The following HDAC9 variants were observed in gnomAD, a reference collection of about 807,000 sequenced individuals.
The protein encoded by HDAC9 is MEF-2 interacting transcription repressor (MITR) protein.
HDAC9 carries 41 observed loss-of-function variants against 139.4 expected under a neutral mutation model. The ratio of observed to expected loss-of-function variants is 0.29; its 90% CI spans 0.23 to 0.38. The LOEUF (loss-of-function observed/expected upper bound fraction) is 0.38, where lower values mean the gene tolerates loss of function less well. Ranked by LOEUF, HDAC9 falls within the 10% of genes least tolerant of loss-of-function variation. HDAC9 has a pLI of 1.00. For missense variants in HDAC9, 1,147 were observed against 1,297.0 expected (o/e 0.88, Z 1.78); for synonymous variants, 517 against 476.2 (o/e 1.09, Z -1.12).
chr7:18,861,755 T>G (rs1447128559), intron 21 of HDAC9, among the ~76,000 whole-genome samples: 1 of 152,178 alleles, frequency 6.6e-6, no homozygotes, highest in East Asian at 1.9e-4. Flanking sequence ...AAAATTAGCA[T>G]TGGCTTCTTA....
At chr7:18,960,596 A>T (rs1216062635) in intron 24 of HDAC9, among the ~76,000 whole-genome samples, 4 of 152,166 alleles carry the variant, frequency 2.6e-5, no homozygotes, top group Non-Finnish European at 4.4e-5. Flanking sequence ...AAACACTGTC[A>T]ATGTATTAGA....
chr7:18,588,673 C>A (rs997876757), intron 3 of HDAC9, among the ~76,000 whole-genome samples: 2 of 152,014 alleles, frequency 1.3e-5, no homozygotes, highest in African/African-American at 4.8e-5. Context: ...ATGTCTTGCC[C>A]ACACACACAC....
At chr7:18,531,760 C>T (rs912240100) in intron 2 of HDAC9, among the ~76,000 whole-genome samples, 11 of 148,846 alleles carry the variant, frequency 7.4e-5, no homozygotes, top group Admixed American at 4.0e-4. Flanking sequence ...AAACTCAATA[C>T]CCTTAACCTC....
intron 23 of HDAC9, among the ~76,000 whole-genome samples, chr7:18,950,531 G>C (rs1397225174): frequency 6.6e-6 from 1 of 152,018 alleles, no homozygotes; most frequent in Non-Finnish European, 1.5e-5. Flanking sequence ...TTTCGATTAA[G>C]TATTTCTCCA....
chr7:18,466,964 C>A (rs213274), intron 1 of HDAC9, among the ~76,000 whole-genome samples: 146,652 of 152,230 alleles, frequency 0.96, 70,666 homozygotes, highest in East Asian at 1. Context: ...CATTCTTATG[C>A]TTGACTATTT....
At chr7:18,446,026 A>T (rs377150609) in intron 1 of HDAC9, among the ~76,000 whole-genome samples, 1 of 152,244 alleles carries the variant, frequency 6.6e-6, no homozygotes, top group Non-Finnish European at 1.5e-5. Context: ...TCTCTGGAAC[A>T]AGTAAGCTCT....
At chr7:18,161,440 T>C (rs539397820) in intron 1 of HDAC9, among the ~76,000 whole-genome samples, 1 of 152,312 alleles carries the variant, frequency 6.6e-6, no homozygotes, top group South Asian at 2.1e-4. Context: ...AATAGTGCAA[T>C]TGGGATATAC....
chr7:18,460,527 G>C (rs1233754617), intron 1 of HDAC9, among the ~76,000 whole-genome samples: 2 of 152,060 alleles, frequency 1.3e-5, no homozygotes, highest in African/African-American at 4.8e-5. Flanking sequence ...GTTCACGCCT[G>C]TAATCCCAGC....
chr7:18,567,388 G>A (rs1448880682), intron 2 of HDAC9, among the ~76,000 whole-genome samples: 1 of 152,090 alleles, frequency 6.6e-6, no homozygotes, highest in Non-Finnish European at 1.5e-5. Context: ...CATTTCTTTT[G>A]TTTAACCATG....
chr7:18,287,973 A>T (rs1434156971), upstream of HDAC9, among the ~76,000 whole-genome samples: 1 of 152,202 alleles, frequency 6.6e-6, no homozygotes, highest in Non-Finnish European at 1.5e-5. Flanking sequence ...CCTGGAAACA[A>T]AACTGGTTGC....
intron 2 of HDAC9, among the ~76,000 whole-genome samples, chr7:18,192,656 G>A (rs559201659): frequency 3.3e-5 from 5 of 152,252 alleles, no homozygotes; most frequent in East Asian, 1.9e-4. Flanking sequence ...GTAAAATCAC[G>A]ATTTTTCTTT....
At chr7:18,941,197 C>G (rs1030901007) in intron 23 of HDAC9, among the ~76,000 whole-genome samples, 1 of 151,368 alleles carries the variant, frequency 6.6e-6, no homozygotes, top group Non-Finnish European at 1.5e-5. Flanking sequence ...GCCTCCCTCC[C>G]GTTATTCTTC....
At chr7:18,443,491 T>C (rs552789240) in intron 1 of HDAC9, among the ~76,000 whole-genome samples, 7 of 152,298 alleles carry the variant, frequency 4.6e-5, no homozygotes, top group South Asian at 2.1e-4. Context: ...AATTATACCA[T>C]AGGGTGAATA....
At chr7:18,959,140 A>G (rs1300859232) in intron 24 of HDAC9, among the ~76,000 whole-genome samples, 4 of 152,154 alleles carry the variant, frequency 2.6e-5, no homozygotes, top group African/African-American at 9.7e-5. Flanking sequence ...CAGAGTTCTA[A>G]AACACCACTC....
intron 2 of HDAC9, among the ~76,000 whole-genome samples, chr7:18,279,810 T>C (rs1162442495): frequency 6.6e-6 from 1 of 152,116 alleles, no homozygotes. Context: ...GAAACTAGTT[T>C]CAAAGAGGCC....
chr7:18,307,097 T>G (rs1407116867), intron 1 of HDAC9, among the ~76,000 whole-genome samples: 4 of 134,808 alleles, frequency 3.0e-5, no homozygotes, highest in African/African-American at 6.0e-5. Flanking sequence ...AGGGCAGTTC[T>G]TGTGTGTGTG....
intron 21 of HDAC9, among the ~76,000 whole-genome samples, chr7:18,839,179 A>G (rs1239673427): frequency 6.6e-6 from 1 of 152,034 alleles, no homozygotes; most frequent in African/African-American, 2.4e-5. Context: ...ACCATTGTAT[A>G]AAATAATTAT....
intron 2 of HDAC9, among the ~76,000 whole-genome samples, chr7:18,238,330 T>C (rs1793960501): frequency 1.3e-5 from 2 of 152,146 alleles, no homozygotes; most frequent in African/African-American, 4.8e-5. Flanking sequence ...TCAGAGTGAG[T>C]GCGTTGCTTG....
intron 1 of HDAC9, among the ~76,000 whole-genome samples, chr7:18,389,486 G>C (rs916113048): frequency 3.3e-5 from 5 of 152,118 alleles, no homozygotes; most frequent in African/African-American, 9.7e-5. Context: ...GCATCTGGAC[G>C]AGTGCTCATG....
Sources: gnomAD v4.1 joint callset for allele counts (sites outside exome capture counted in the v4.1 genomes callset) on GRCh38, gnomAD v4.1.1 for gene constraint, MANE v1.5 for transcripts, NCBI Gene and HGNC (gene_info 2026-07-23, HGNC 2026-07-21) for gene names.